Variants in EFR3A observed in about 807,000 individuals in gnomAD.
EFR3A encodes EFR3 homolog A.
EFR3A carries 76 observed loss-of-function variants against 104.4 expected under a neutral mutation model. The observed-to-expected ratio is 0.73, with a 90% CI of 0.60 to 0.88. EFR3A has a LOEUF of 0.88. Ranked by LOEUF, EFR3A falls within the 40% of genes least tolerant of loss-of-function variation. EFR3A has a pLI of 0.00. For synonymous variants in EFR3A, 330 were observed against 330.0 expected (o/e 1.00, Z 0.00); for missense variants, 985 against 1,012.5 (o/e 0.97, Z 0.37).
At chr8:131,981,622 A>G (rs1820617028) in intron 14 of EFR3A, among the ~76,000 whole-genome samples, 1 of 152,054 alleles carries the variant, frequency 6.6e-6, no homozygotes, top group South Asian at 2.1e-4. Context: ...AGAACTAAAG[A>G]AAAAAAATTG....
chr8:131,904,883 C>T (rs889850792), intron 1 of EFR3A, among the ~76,000 whole-genome samples: 5 of 152,168 alleles, frequency 3.3e-5, no homozygotes, highest in Admixed American at 1.3e-4. Context: ...TCGGATTCAC[C>T]CGGGCAGATG....
chr8:131,962,972 G>A (rs1355817630), intron 8 of EFR3A, among the ~76,000 whole-genome samples: 1 of 151,326 alleles, frequency 6.6e-6, no homozygotes, highest in Non-Finnish European at 1.5e-5. Context: ...AATGACTACT[G>A]GGTATATAAC....
intron 14 of EFR3A, among the ~76,000 whole-genome samples, chr8:131,982,850 G>A (rs763205229): frequency 6.6e-6 from 1 of 152,036 alleles, no homozygotes; most frequent in Non-Finnish European, 1.5e-5. Flanking sequence ...GAGAAAGAAC[G>A]AGAGAGACAA....
In EFR3A at chr8:131,940,480, ATT is replaced by A. The variant is rs397796331; in HGVS notation, c.11-7_11-6del. On this transcript the variant is annotated splice_polypyrimidine_tract_variant and intron_variant, in intron 1 of 22. Transcript: ENST00000254624. ...ATATTAATAATATCTGTATTTCTTGATTTTTTTTTTTTTAACAGGAGTATGCT... is the reference window on the plus strand; with the variant it reads ...ATATTAATAATATCTGTATTTCTTGATTTTTTTTTTTAACAGGAGTATGCT... The A allele has an allele frequency of 4.0e-5, 56 of 1,385,218 alleles. No individual in the cohort carries two copies. Among genetic ancestry groups the A allele is most frequent in the South Asian group, 2.1e-4 (16 of 74,914 alleles). 85.8% of individuals were successfully genotyped at this position (1,385,218 alleles called of 1,614,324 possible).
chr8:131,929,571 T>C (rs1160021288), intron 1 of EFR3A, among the ~76,000 whole-genome samples: 2 of 152,168 alleles, frequency 1.3e-5, no homozygotes, highest in African/African-American at 2.4e-5. Flanking sequence ...ATTCTTTCTG[T>C]ATGTGATTAT....
At chr8:131,929,187 C>T (rs999367200) in intron 1 of EFR3A, among the ~76,000 whole-genome samples, 2 of 152,148 alleles carry the variant, frequency 1.3e-5, no homozygotes, top group African/African-American at 4.8e-5. Flanking sequence ...CCTTTTACCC[C>T]AGAGTGTATC....
chr8:131,904,321 C>G lies in EFR3A; in HGVS notation c.9C>G (p.Thr3=). Residue 3 remains threonine (T), a splice_region_variant and synonymous_variant, in exon 1 of 23, where the codon ACC becomes ACG. Transcript: ENST00000254624. ...GCGCGGTCGAGATCGCCATGCCTACCCGTGAGTGGCCGGCCGAGGGCCGGG... is the reference window on the plus strand; with the variant it reads ...GCGCGGTCGAGATCGCCATGCCTACGCGTGAGTGGCCGGCCGAGGGCCGGG... The part of the protein sequence containing the change: MP[T]RVCCCCSALR... The G allele has an allele frequency of 1.6e-6, 2 of 1,256,700 alleles. No individual in the cohort carries two copies. The allele number at this position is 1,256,700 out of a possible 1,614,324, so 77.8% of individuals were successfully genotyped here. A position where few individuals can be genotyped will look rare whatever the true frequency, so the allele number is the denominator to read the frequency against.
intron 22 of EFR3A, among the ~76,000 whole-genome samples, chr8:132,003,544 T>A (rs1821892847): frequency 6.6e-6 from 1 of 152,066 alleles, no homozygotes; most frequent in Admixed American, 6.5e-5. Flanking sequence ...TTCCTGATGA[T>A]CTCTTAAGTA....
chr8:131,990,180 A>T (rs957316998), intron 18 of EFR3A, among the ~76,000 whole-genome samples: 2 of 152,210 alleles, frequency 1.3e-5, no homozygotes, highest in African/African-American at 4.8e-5. Flanking sequence ...TGTTCACTTG[A>T]ACCACAAAAC....
chr8:131,960,420 A>G (rs1819249698), intron 8 of EFR3A, among the ~76,000 whole-genome samples: 1 of 152,136 alleles, frequency 6.6e-6, no homozygotes, highest in Non-Finnish European at 1.5e-5. Flanking sequence ...GTGGGGCTGG[A>G]ACCTATCCCC....
intron 10 of EFR3A, among the ~76,000 whole-genome samples, chr8:131,973,584 T>A (rs6982128): frequency 0.86 from 130,926 of 151,844 alleles, 56,564 homozygotes; most frequent in East Asian, 0.93. Flanking sequence ...ATCAAACTTT[T>A]AAAAAAAATC....
At chr8:131,919,233 A>G (rs1029801023) in intron 1 of EFR3A, among the ~76,000 whole-genome samples, 3 of 152,220 alleles carry the variant, frequency 2.0e-5, no homozygotes, top group African/African-American at 7.2e-5. Context: ...TTAAGGTCAC[A>G]GTAAGTATAC....
At chr8:132,010,321 A>G (rs190197255) in intron 22 of EFR3A, among the ~76,000 whole-genome samples, 38 of 150,148 alleles carry the variant, frequency 2.5e-4, no homozygotes, top group Admixed American at 5.3e-4. Context: ...TTATGTATGT[A>G]TAAGAACAGA....
At position 131,942,270 on chromosome 8, in the gene EFR3A, A is replaced by G. The variant is rs551745808; in HGVS notation, c.87+1695A>G. On this transcript the variant is annotated intron_variant, in intron 2 of 22. Coordinates refer to ENST00000254624, the MANE Select transcript of EFR3A (RefSeq NM_015137.6). ...TTAAAAAAGGAAAAGATCTACATGA[A>G]CCTTGAATATATATGGCAAACATTA... 1.8e-3 allele frequency among the ~76,000 whole-genome samples: 281 copies of G among 152,240 alleles called. 2 individuals are homozygous for G. Among genetic ancestry groups the G allele is most frequent in the African/African-American group, 6.5e-3 (272 of 41,574 alleles).
chr8:131,918,681 C>T (rs1223146145), intron 1 of EFR3A, among the ~76,000 whole-genome samples: 4 of 152,136 alleles, frequency 2.6e-5, no homozygotes, highest in Non-Finnish European at 5.9e-5. Context: ...GGCATAGATG[C>T]TGTGGGTGTT....
Position 131,953,980 on chromosome 8 carries a change from A to AT in EFR3A, c.638+14dup. 1 of 1,522,022 alleles carries AT rather than the reference A, an allele frequency of 6.6e-7. No homozygotes were observed. Among genetic ancestry groups the AT allele is most frequent in the Non-Finnish European group, 8.8e-7 (1 of 1,131,820 alleles). The allele number at this position is 1,522,022 out of a possible 1,614,324, so 94.3% of individuals were successfully genotyped here. Reference sequence around the variant, plus strand: ...AAGAAGTTGACAGGTATTTAAAAAAATATTAGTGTTGAGACAGTGTTACTT... The same window carrying AT: ...AAGAAGTTGACAGGTATTTAAAAAAATTATTAGTGTTGAGACAGTGTTACTT... On this transcript the variant is annotated intron_variant, in intron 6 of 22. Coordinates refer to ENST00000254624, the MANE Select transcript of EFR3A (RefSeq NM_015137.6).
At chr8:131,984,716 G>C (rs1456614994) in intron 15 of EFR3A, among the ~76,000 whole-genome samples, 1 of 152,108 alleles carries the variant, frequency 6.6e-6, no homozygotes, top group Non-Finnish European at 1.5e-5. Flanking sequence ...AACAGGAAAG[G>C]CTTTCCTAGG....
At chr8:131,911,423 G>A (rs1586516241) in intron 1 of EFR3A, among the ~76,000 whole-genome samples, 1 of 152,074 alleles carries the variant, frequency 6.6e-6, no homozygotes, top group East Asian at 1.9e-4. Context: ...AAGAATTGCA[G>A]GATCACCAGA....
intron 5 of EFR3A, 70 bp downstream of exon 5, chr8:131,950,160 T>C: frequency 7.0e-7 from 1 of 1,426,064 alleles, no homozygotes; most frequent in Non-Finnish European, 9.5e-7. Flanking sequence ...ATATGTTACA[T>C]AATGATTACC....
Sources: allele counts gnomAD v4.1 joint callset (sites outside exome capture counted in the v4.1 genomes callset), GRCh38; gene constraint gnomAD v4.1.1; transcripts MANE v1.5; gene names NCBI Gene and HGNC (gene_info 2026-07-23, HGNC 2026-07-21).